RAPGEF4: variants seen among roughly 807,000 people sequenced by gnomAD.
The protein encoded by RAPGEF4 is Rap guanine nucleotide exchange factor 4.
A neutral mutation model predicts 147.9 loss-of-function variants in RAPGEF4; 66 were observed. That is an observed-to-expected ratio of 0.45 (90% confidence interval 0.37 to 0.55). The LOEUF (loss-of-function observed/expected upper bound fraction) is 0.55, where lower values mean the gene tolerates loss of function less well. Ranked by LOEUF, RAPGEF4 falls within the 20% of genes least tolerant of loss-of-function variation. The pLI is 0.00. For missense variants in RAPGEF4, 1,071 were observed against 1,257.3 expected (o/e 0.85, Z 2.24); for synonymous variants, 419 against 442.7 (o/e 0.95, Z 0.67).
chr2:172,759,241 A>G (rs1349507305), intron 1 of RAPGEF4, among the ~76,000 whole-genome samples: 1 of 152,188 alleles, frequency 6.6e-6, no homozygotes, highest in African/African-American at 2.4e-5. Context: ...TTCAAATGGT[A>G]TTGTGAAGAA....
chr2:172,864,071 T>C (rs758842915), intron 4 of RAPGEF4, among the ~76,000 whole-genome samples: 1 of 152,222 alleles, frequency 6.6e-6, no homozygotes, highest in African/African-American at 2.4e-5. Context: ...CTGCCTTCAC[T>C]GACTTTGAGA....
At chr2:172,833,334 G>A (rs1690581802) in intron 4 of RAPGEF4, among the ~76,000 whole-genome samples, 1 of 151,168 alleles carries the variant, frequency 6.6e-6, no homozygotes, top group Admixed American at 6.6e-5. Context: ...TCTGTTTGGG[G>A]GAAACTAAGG....
chr2:173,023,739 C>A (rs1030791200), intron 23 of RAPGEF4, among the ~76,000 whole-genome samples: 1 of 152,208 alleles, frequency 6.6e-6, no homozygotes, highest in African/African-American at 2.4e-5. Flanking sequence ...GTTAGGTAAA[C>A]TTGTCCCCCT....
At chr2:172,898,567 G>A (rs1374498866) in intron 4 of RAPGEF4, among the ~76,000 whole-genome samples, 5 of 152,192 alleles carry the variant, frequency 3.3e-5, no homozygotes, top group African/African-American at 1.2e-4. Context: ...CATTGGGCAG[G>A]TTGTCTAGCT....
intron 17 of RAPGEF4, among the ~76,000 whole-genome samples, chr2:173,003,349 A>G (rs1446216177): frequency 1.3e-5 from 2 of 152,192 alleles, no homozygotes; most frequent in African/African-American, 4.8e-5. Context: ...CTGTGACGTC[A>G]AATCTGACTT....
chr2:172,935,435 T>G (rs1686458402), intron 6 of RAPGEF4, among the ~76,000 whole-genome samples: 1 of 151,608 alleles, frequency 6.6e-6, no homozygotes, highest in South Asian at 2.1e-4. Flanking sequence ...GATGGGGAGG[T>G]CTGTGCCCAG....
intron 6 of RAPGEF4, among the ~76,000 whole-genome samples, chr2:172,924,682 A>C (rs1360132936): frequency 6.6e-6 from 1 of 152,194 alleles, no homozygotes; most frequent in Non-Finnish European, 1.5e-5. Flanking sequence ...GAAGCTTAAG[A>C]GCCTTAAAGT....
At chr2:172,954,813 A>G (rs1269269270) in intron 6 of RAPGEF4, among the ~76,000 whole-genome samples, 2 of 152,238 alleles carry the variant, frequency 1.3e-5, no homozygotes, top group African/African-American at 2.4e-5. Context: ...AGCTGAAATA[A>G]GAAAAGGGGG....
At chr2:172,925,769 A>G (rs1328437578) in intron 6 of RAPGEF4, among the ~76,000 whole-genome samples, 1 of 39,050 alleles carries the variant, frequency 2.6e-5, no homozygotes, top group Non-Finnish European at 1.1e-4. Flanking sequence ...GAAAGGAAGA[A>G]AGAAAGAAAG....
intron 4 of RAPGEF4, among the ~76,000 whole-genome samples, chr2:172,824,288 T>C (rs962889151): frequency 7.9e-5 from 12 of 152,230 alleles, no homozygotes; most frequent in East Asian, 1.9e-4. Flanking sequence ...CTCTAGAAGA[T>C]AGAGCTTCAT....
chr2:172,747,340 ATG>A (rs1694869902), intron 1 of RAPGEF4, among the ~76,000 whole-genome samples: 1 of 152,174 alleles, frequency 6.6e-6, no homozygotes, highest in South Asian at 2.1e-4. Flanking sequence ...GTTACCTAGT[ATG>A]TGTGTGTGGT....
At chr2:172,786,823 C>T (rs1685253267) in intron 1 of RAPGEF4, among the ~76,000 whole-genome samples, 1 of 152,168 alleles carries the variant, frequency 6.6e-6, no homozygotes, top group African/African-American at 2.4e-5. Flanking sequence ...CTTTGGTTCA[C>T]TATAATCATG....
At chr2:172,976,950 G>A (rs1248787636) in intron 10 of RAPGEF4, among the ~76,000 whole-genome samples, 1 of 152,182 alleles carries the variant, frequency 6.6e-6, no homozygotes, top group Non-Finnish European at 1.5e-5. Flanking sequence ...GCAGAAACTA[G>A]GCCTTTCCAC....
At chr2:172,910,189 T>C (rs1408895035) in intron 4 of RAPGEF4, among the ~76,000 whole-genome samples, 1 of 152,232 alleles carries the variant, frequency 6.6e-6, no homozygotes, top group Non-Finnish European at 1.5e-5. Context: ...TTAGGCCACA[T>C]AGACATGGTG....
chr2:172,819,625 C>T (rs1239415492), intron 4 of RAPGEF4, among the ~76,000 whole-genome samples: 8 of 151,260 alleles, frequency 5.3e-5, no homozygotes, highest in African/African-American at 1.9e-4. Context: ...GCCACTACGC[C>T]CGGCTAATTT....
At chr2:173,021,982 A>AT (rs3835833) in intron 23 of RAPGEF4, among the ~76,000 whole-genome samples, 1 of 152,038 alleles carries the variant, frequency 6.6e-6, no homozygotes, top group African/African-American at 2.4e-5. Context: ...CTTTCCGTAT[A>AT]TTTTTTTAGT....
At chr2:172,837,765 T>G (rs1197947563) in intron 4 of RAPGEF4, among the ~76,000 whole-genome samples, 2 of 152,134 alleles carry the variant, frequency 1.3e-5, no homozygotes, top group African/African-American at 2.4e-5. Flanking sequence ...GATCTCACTA[T>G]GTTGCTCAGG....
At chr2:172,927,424 A>C (rs1685482110) in intron 6 of RAPGEF4, among the ~76,000 whole-genome samples, 1 of 152,194 alleles carries the variant, frequency 6.6e-6, no homozygotes, top group Non-Finnish European at 1.5e-5. Flanking sequence ...AAGACAATGA[A>C]ATTCTGGGCC....
intron 23 of RAPGEF4, 127 bp downstream of exon 23, chr2:173,020,842 G>A: frequency 3.0e-6 from 2 of 673,814 alleles, no homozygotes; most frequent in Non-Finnish European, 5.0e-6. Context: ...TTCTTTTTCT[G>A]CAGTCTATTA....
Sources: allele counts gnomAD v4.1 joint callset (sites outside exome capture counted in the v4.1 genomes callset), GRCh38; gene constraint gnomAD v4.1.1; transcripts MANE v1.5; gene names NCBI Gene and HGNC (gene_info 2026-07-23, HGNC 2026-07-21).